The following PMM2 variants were observed in gnomAD, a reference collection of about 807,000 sequenced individuals.
PMM2 encodes phosphomannomutase 2.
Under a neutral mutation model 33.2 loss-of-function variants are expected in PMM2, and 35 were observed. That is an observed-to-expected ratio of 1.06 (90% CI 0.81 to 1.40). The LOEUF (loss-of-function observed/expected upper bound fraction) is 1.40, where lower values mean the gene tolerates loss of function less well. PMM2 is among the 40% of genes most tolerant of loss of function. PMM2 has a pLI of 0.00. For missense variants in PMM2, 386 were observed against 306.0 expected (o/e 1.26, Z -1.95); for synonymous variants, 153 against 114.7 (o/e 1.33, Z -2.13).
In PMM2 at chr16:8,818,148, C is replaced by T. The variant is rs138923115; in HGVS notation, c.639+5042C>T. Among the ~76,000 whole-genome samples, 11 of 152,262 alleles carry T rather than the reference C, an allele frequency of 7.2e-5. No homozygotes were observed. In the East Asian group the frequency reaches 1.5e-3, roughly 21 times the overall value. On this transcript the variant is annotated intron_variant, in intron 7 of 7. Coordinates refer to ENST00000268261, the MANE Select transcript of PMM2 (RefSeq NM_000303.3). Reference sequence around the variant, plus strand: ...TGATCTCCTGACCTCGTGATCCGTCCGCCTCGGCCTCCCAAAGTGCTGGGA... The same window carrying T: ...TGATCTCCTGACCTCGTGATCCGTCTGCCTCGGCCTCCCAAAGTGCTGGGA...
Position 8,804,854 on chromosome 16 carries a change from G to C in PMM2, c.255+11G>C, listed in dbSNP as rs2060638029. 1 of 1,557,032 alleles carries C rather than the reference G, an allele frequency of 6.4e-7. No individual in the cohort carries two copies. The highest frequency in any genetic ancestry group is 8.9e-7 in the Non-Finnish European group (1 of 1,128,240). ...CTCTTGTGTAGACAGGTAGGTTCTTGAGTATCTGAATTACTATATACTATT... is the reference window on the plus strand; with the variant it reads ...CTCTTGTGTAGACAGGTAGGTTCTTCAGTATCTGAATTACTATATACTATT... On this transcript the variant is annotated intron_variant, in intron 3 of 7. Coordinates refer to ENST00000268261, the MANE Select transcript of PMM2 (RefSeq NM_000303.3).
At chr16:8,821,503 G>T (rs1010381762) in intron 7 of PMM2, among the ~76,000 whole-genome samples, 10 of 152,206 alleles carry the variant, frequency 6.6e-5, no homozygotes, top group African/African-American at 2.4e-4. Context: ...GGGAGACACT[G>T]GCTTCAAACC....
At chr16:8,800,991 CCT>C (rs1443225511) in intron 1 of PMM2, among the ~76,000 whole-genome samples, 1 of 152,176 alleles carries the variant, frequency 6.6e-6, no homozygotes, top group African/African-American at 2.4e-5. Flanking sequence ...CCCTAAGCTT[CCT>C]CTTTAATTTC....
intron 7 of PMM2, among the ~76,000 whole-genome samples, chr16:8,818,459 A>C (rs895813666): frequency 6.6e-6 from 1 of 152,246 alleles, no homozygotes; most frequent in South Asian, 2.1e-4. Context: ...GAGCAATCCA[A>C]ATACTAGCCT....
At chr16:8,830,654 C>T (rs1039314621) in intron 7 of PMM2, among the ~76,000 whole-genome samples, 3 of 152,140 alleles carry the variant, frequency 2.0e-5, no homozygotes, top group East Asian at 3.9e-4. Context: ...AAGCACTGAT[C>T]TTAGGATTTA....
intron 7 of PMM2, among the ~76,000 whole-genome samples, chr16:8,820,105 G>C (rs374917272): frequency 6.6e-6 from 1 of 152,252 alleles, no homozygotes. Flanking sequence ...GCTGAGGCAG[G>C]AGAAGCGCTT....
At chr16:8,801,986 C>A in intron 2 of PMM2, 76 bp downstream of exon 2, 1 of 1,052,396 alleles carries the variant, frequency 9.5e-7, no homozygotes, top group Non-Finnish European at 1.4e-6. Flanking sequence ...GTATCATAGG[C>A]TGCCCTAAAA....
At chr16:8,825,979 C>T (rs138162794) in intron 7 of PMM2, among the ~76,000 whole-genome samples, 1 of 152,094 alleles carries the variant, frequency 6.6e-6, no homozygotes. Flanking sequence ...TGGTTTCGAA[C>T]TTCTGACCTC....
chr16:8,807,561 C>G (rs893195970), intron 4 of PMM2: 3 of 152,460 alleles, frequency 2.0e-5, no homozygotes, highest in Non-Finnish European at 4.4e-5. Context: ...GTGGCATGAT[C>G]ATAGCTCACT....
intron 7 of PMM2, among the ~76,000 whole-genome samples, chr16:8,831,398 A>C (rs2060808866): frequency 6.6e-6 from 1 of 151,206 alleles, no homozygotes; most frequent in African/African-American, 2.4e-5. Flanking sequence ...ACTATAAGGC[A>C]TGGTGGTGCA....
At chr16:8,846,080 G>T (rs930991237) in intron 7 of PMM2, among the ~76,000 whole-genome samples, 1 of 152,228 alleles carries the variant, frequency 6.6e-6, no homozygotes, top group Non-Finnish European at 1.5e-5. Context: ...GGCCCTGACA[G>T]GTTCCCAAGT....
At chr16:8,845,328 A>G (rs72481068) in intron 7 of PMM2, among the ~76,000 whole-genome samples, 12 of 152,198 alleles carry the variant, frequency 7.9e-5, no homozygotes, top group Non-Finnish European at 1.6e-4. Flanking sequence ...ACAAATCACA[A>G]TGGTGGAATG....
intron 7 of PMM2, chr16:8,832,281 G>GAA: frequency 1.0e-6 from 1 of 985,470 alleles, no homozygotes; most frequent in African/African-American, 1.7e-5. Context: ...CCTGCGAGCC[G>GAA]TGCGGCTCTC....
Position 8,811,105 on chromosome 16 carries a change from G to T in PMM2, c.374G>T (p.Gly125Val). The T allele has an allele frequency of 6.4e-7, 1 of 1,573,832 alleles. No individual in the cohort carries two copies. Among genetic ancestry groups the T allele is most frequent in the Non-Finnish European group, 8.7e-7 (1 of 1,155,778 alleles). ...KRGTFIEFRN[G>V]MLNVSPIGRS... Reference sequence around the variant, plus strand: ...GGTACTTTCATTGAATTCCGAAATGGGATGTTAAACGTGTCCCCTATTGGA... The same window carrying T: ...GGTACTTTCATTGAATTCCGAAATGTGATGTTAAACGTGTCCCCTATTGGA... The change falls in exon 5 of 8, where the codon GGG becomes GTG. Residue 125 changes from glycine to valine, a missense_variant. Physicochemically the swap from Gly to Val is moderately radical, Grantham distance 109. Transcript: ENST00000268261.
intron 7 of PMM2, among the ~76,000 whole-genome samples, chr16:8,819,063 A>G (rs574332852): frequency 2.0e-5 from 3 of 152,310 alleles, no homozygotes; most frequent in African/African-American, 7.2e-5. Context: ...CTAACACTTC[A>G]TGAATATCAA....
At chr16:8,801,670 C>CA in intron 1 of PMM2, 129 bp from the exon 2 acceptor site, 120 of 584,458 alleles carry the variant, frequency 2.1e-4, no homozygotes, top group East Asian at 3.4e-4. Flanking sequence ...GACCCTATCT[C>CA]AAAAAAAAAT....
chr16:8,803,363 G>T (rs955574750), intron 2 of PMM2, among the ~76,000 whole-genome samples: 8 of 152,070 alleles, frequency 5.3e-5, no homozygotes, highest in African/African-American at 1.9e-4. Flanking sequence ...GCTCATGATC[G>T]CCCTTTCTGC....
chr16:8,846,914 A>C (rs1204307520), intron 7 of PMM2, among the ~76,000 whole-genome samples: 1 of 152,114 alleles, frequency 6.6e-6, no homozygotes, highest in African/African-American at 2.4e-5. Flanking sequence ...CCCAGGCTGG[A>C]GTGCAGTGGT....
chr16:8,799,765 C>G (rs1245381988), intron 1 of PMM2, among the ~76,000 whole-genome samples: 3 of 152,050 alleles, frequency 2.0e-5, no homozygotes, highest in Non-Finnish European at 2.9e-5. Flanking sequence ...CCAGGATGGT[C>G]TCTATCTCTG....
Sources: gnomAD v4.1 joint callset for allele counts (sites outside exome capture counted in the v4.1 genomes callset) on GRCh38, gnomAD v4.1.1 for gene constraint, MANE v1.5 for transcripts, NCBI Gene and HGNC (gene_info 2026-07-23, HGNC 2026-07-21) for gene names.